Variants in UBE4B observed in about 807,000 individuals in gnomAD.
The protein encoded by UBE4B is ubiquitination factor E4B.
UBE4B carries 27 observed loss-of-function variants against 148.1 expected under a neutral mutation model. That is an observed-to-expected ratio of 0.18 (90% confidence interval 0.13 to 0.25). The LOEUF (loss-of-function observed/expected upper bound fraction) is 0.25. UBE4B is among the 10% of genes least tolerant of loss of function. The probability of loss-of-function intolerance (pLI) is 1.00; values close to 1 mark genes in which losing one functional copy is unlikely to be tolerated. For missense variants in UBE4B, 1,170 were observed against 1,662.4 expected, an observed-to-expected ratio of 0.70 and a Z score of 5.15; for synonymous variants, 596 against 619.3, an observed-to-expected ratio of 0.96 and a Z score of 0.56.
At chr1:10,120,186 AT>A (rs1186515641) in intron 9 of UBE4B, among the ~76,000 whole-genome samples, 1 of 152,116 alleles carries the variant, frequency 6.6e-6, no homozygotes, top group Non-Finnish European at 1.5e-5. Flanking sequence ...TGTGTATTTC[AT>A]TTCTTTTATA....
In UBE4B at chr1:10,103,053, T is replaced by C; in HGVS notation, c.541T>C (p.Ser181Pro). 6.2e-7 allele frequency: 1 copy of C among 1,612,902 alleles called. No individual in the cohort carries two copies. The stretch of plus-strand genomic sequence containing the variant: ...CCGGGACAGAGATGTCATCTTTCTT[T>C]CTTCTCTTTCTGCACAGTTTAAGCA... ...KDRDRDVIFL[S>P]SLSAQFKQNP... Residue 181 changes from serine (S) to proline (P), a missense_variant, in exon 5 of 28, where the codon TCT becomes CCT. Transcript: ENST00000343090.
At chr1:10,077,905 T>G (rs1480635168) in intron 2 of UBE4B, among the ~76,000 whole-genome samples, 1 of 152,260 alleles carries the variant, frequency 6.6e-6, no homozygotes, top group Non-Finnish European at 1.5e-5. Flanking sequence ...CATGTTTTAC[T>G]GCATTGTTAT....
At chr1:10,087,522 G>A (rs1644784103) in intron 2 of UBE4B, among the ~76,000 whole-genome samples, 1 of 152,166 alleles carries the variant, frequency 6.6e-6, no homozygotes, top group African/African-American at 2.4e-5. Flanking sequence ...GATCTTCACA[G>A]TTTTGAAGAA....
chr1:10,054,610 C>A, intron 1 of UBE4B: 1 of 258,182 alleles, frequency 3.9e-6, no homozygotes, highest in South Asian at 4.7e-5. Context: ...TTAATGTGCT[C>A]AATATGCATA....
intron 2 of UBE4B, among the ~76,000 whole-genome samples, chr1:10,092,758 A>T (rs190297247): frequency 3.3e-5 from 5 of 151,908 alleles, no homozygotes; most frequent in Admixed American, 3.3e-4. Flanking sequence ...AACCTGGGAG[A>T]TGGAGGTTGC....
intron 2 of UBE4B, among the ~76,000 whole-genome samples, chr1:10,088,793 C>T (rs796767246): frequency 6.6e-6 from 1 of 152,112 alleles, no homozygotes; most frequent in African/African-American, 2.4e-5. Flanking sequence ...ATCCTCCTAC[C>T]TCAGCCTCCT....
chr1:10,171,059 C>T, intron 24 of UBE4B, 79 bp from the exon 25 acceptor site: 6 of 1,439,350 alleles, frequency 4.2e-6, no homozygotes, highest in Non-Finnish European at 5.7e-6. Context: ...ATTCCTGTTC[C>T]TCCACTGAAA....
At chr1:10,158,777 G>A (rs1646113560) in intron 22 of UBE4B, among the ~76,000 whole-genome samples, 1 of 152,156 alleles carries the variant, frequency 6.6e-6, no homozygotes, top group Admixed American at 6.5e-5. Context: ...GGGAGGCAGA[G>A]GCGGGCGGAT....
intron 21 of UBE4B, among the ~76,000 whole-genome samples, chr1:10,153,116 C>A (rs28812302): frequency 6.6e-6 from 1 of 152,112 alleles, no homozygotes; most frequent in South Asian, 2.1e-4. Context: ...TTTTCCAGTT[C>A]TCCTGCAGCA....
chr1:10,154,918 G>A (rs1646042734), intron 21 of UBE4B, among the ~76,000 whole-genome samples: 1 of 151,604 alleles, frequency 6.6e-6, no homozygotes, highest in South Asian at 2.1e-4. Context: ...TTGAATGGTA[G>A]CATTATAAAT....
rs1158025831 is a variant in UBE4B at position 10,081,140 on chromosome 1, G to A, written c.211+8926G>A. Among the ~76,000 whole-genome samples, 6 of 152,108 alleles carry A rather than the reference G, an allele frequency of 3.9e-5. No homozygotes were observed. In the East Asian group the frequency reaches 7.7e-4, roughly 20 times the overall value. ...TACAATGGCACGATCTTGGCTCACCGCAACCTCTACCTCCTGGGTTCAAAC... is the reference window on the plus strand; with the variant it reads ...TACAATGGCACGATCTTGGCTCACCACAACCTCTACCTCCTGGGTTCAAAC... On this transcript the variant is annotated intron_variant, in intron 2 of 27. Transcript: ENST00000343090.
intron 17 of UBE4B, among the ~76,000 whole-genome samples, chr1:10,141,366 G>A (rs1022121707): frequency 6.6e-6 from 1 of 152,084 alleles, no homozygotes; most frequent in African/African-American, 2.4e-5. Context: ...GAATGTGATG[G>A]GGAAGCAGAG....
At chr1:10,165,457 T>C (rs778483680) in intron 23 of UBE4B, among the ~76,000 whole-genome samples, 2 of 152,142 alleles carry the variant, frequency 1.3e-5, no homozygotes, top group Non-Finnish European at 2.9e-5. Flanking sequence ...TCAGGGATGG[T>C]GTTAAACATC....
Position 10,137,162 on chromosome 1 carries a change from C to G in UBE4B, c.2320C>G (p.Arg774Gly), listed in dbSNP as rs765404233. 3 of 1,614,058 alleles carry G rather than the reference C, an allele frequency of 1.9e-6. No individual in the cohort carries two copies. The South Asian group carries it at 3.3e-5, about 18-fold the overall frequency. Residue 774 changes from arginine (R) to glycine (G), a missense_variant, in exon 17 of 28, where the codon CGT (arginine) becomes GGT (glycine). By Grantham distance (125) the Arg-to-Gly change is moderately radical. Coordinates refer to ENST00000343090, the MANE Select transcript of UBE4B (RefSeq NM_001105562.3). ...CCACCTCTCTATTCTGCCTAGTTGC[C>G]GTCGCTATATCCGCAGACTCCGGGC... is the stretch of plus-strand genomic sequence containing the variant. ...AHHLSILPSC[R>G]RYIRRLRAIR...
At chr1:10,136,872 A>T (rs1253603873) in intron 16 of UBE4B, among the ~76,000 whole-genome samples, 195 bp from the exon 17 acceptor site, 1 of 152,210 alleles carries the variant, frequency 6.6e-6, no homozygotes, top group African/African-American at 2.4e-5. Flanking sequence ...GTAAGCCAAG[A>T]TCGTGCCATT....
intron 25 of UBE4B, among the ~76,000 whole-genome samples, chr1:10,175,087 G>T (rs1475064410): frequency 6.6e-6 from 1 of 152,148 alleles, no homozygotes; most frequent in Non-Finnish European, 1.5e-5. Flanking sequence ...CCCATGTCCA[G>T]AAGGCTGACA....
chr1:10,065,665 C>T (rs768978794), intron 1 of UBE4B, among the ~76,000 whole-genome samples: 28 of 152,036 alleles, frequency 1.8e-4, no homozygotes, highest in Non-Finnish European at 3.8e-4. Flanking sequence ...GGAGTGAAGA[C>T]GTTATGGAGC....
intron 19 of UBE4B, among the ~76,000 whole-genome samples, chr1:10,148,653 A>G (rs1645919758): frequency 1.3e-5 from 2 of 148,722 alleles, no homozygotes; most frequent in South Asian, 4.3e-4. Flanking sequence ...AAAAATCAAG[A>G]AAAGGGCCAG....
rs116460190 is a variant in UBE4B at position 10,132,404 on chromosome 1, A to G, written c.1947A>G (p.Leu649=). The change falls in exon 15 of 28, where the codon TTA becomes TTG. Residue 649 remains leucine, a synonymous_variant. Coordinates refer to ENST00000343090, the MANE Select transcript of UBE4B (RefSeq NM_001105562.3). ...TTAAGATTCTGCATAGTATTTTGTT[A>G]AATGGCGAAACCCGTGAGGCTGCTC... ...ELFKILHSIL[L]NGETREAALS... The G allele has an allele frequency of 6.4e-4, 1,037 of 1,614,218 alleles. 2 individuals are homozygous for G. The highest frequency in any genetic ancestry group is 4.5e-4 in the Non-Finnish European group (529 of 1,180,038).
Sources: allele counts gnomAD v4.1 joint callset (sites outside exome capture counted in the v4.1 genomes callset), GRCh38; gene constraint gnomAD v4.1.1; transcripts MANE v1.5; gene names NCBI Gene and HGNC (gene_info 2026-07-23, HGNC 2026-07-21).